PTPN4: variants seen among roughly 807,000 people sequenced by gnomAD.
PTPN4 encodes tyrosine-protein phosphatase non-receptor type 4.
Under a neutral mutation model 135.5 loss-of-function variants are expected in PTPN4, and 49 were observed. The ratio of observed to expected loss-of-function variants is 0.36; its 90% CI spans 0.29 to 0.46. PTPN4 has a LOEUF of 0.46. Among genes scored for constraint, PTPN4 ranks in the 20% least tolerant of loss-of-function variants. PTPN4 has a pLI of 1.00. For synonymous variants in PTPN4, 333 were observed against 369.9 expected (o/e 0.90, Z 1.14); for missense variants, 860 against 1,101.0 (o/e 0.78, Z 3.10).
chr2:119,880,060 G>A (rs1173454654), intron 5 of PTPN4: 2 of 151,588 alleles, frequency 1.3e-5, no homozygotes, highest in African/African-American at 4.9e-5. Flanking sequence ...AGTCAAACAG[G>A]TTCACCAGGT....
chr2:119,915,382 C>G, intron 11 of PTPN4, 140 bp downstream of exon 11: 1 of 559,786 alleles, frequency 1.8e-6, no homozygotes, highest in Admixed American at 4.4e-5. Flanking sequence ...AATGAATTCA[C>G]TTGTTATAAC....
rs772842607 is a variant in PTPN4 at position 119,885,148 on chromosome 2, TC to T, written c.588-641del. On this transcript the variant is annotated intron_variant, in intron 8 of 26. Transcript: ENST00000263708. Reference sequence around the variant, plus strand: ...CCATCTGTGATGAAAGATGATTTCTTCCCCCCAGCTGTCATTATTGTGTTAC... The same window carrying T: ...CCATCTGTGATGAAAGATGATTTCTTCCCCCAGCTGTCATTATTGTGTTAC... Among the ~76,000 whole-genome samples the T allele has an allele frequency of 7.9e-5, 12 of 152,218 alleles. No individual in the cohort carries two copies. The South Asian group carries it at 8.3e-4, about 11-fold the overall frequency.
intron 1 of PTPN4, among the ~76,000 whole-genome samples, chr2:119,768,311 C>G (rs1401449235): frequency 6.6e-6 from 1 of 152,074 alleles, no homozygotes; most frequent in Non-Finnish European, 1.5e-5. Flanking sequence ...CTCTCCTATC[C>G]CAGCTCTGAA....
chr2:119,965,889 C>A (rs904683169), intron 25 of PTPN4, among the ~76,000 whole-genome samples: 1 of 152,158 alleles, frequency 6.6e-6, no homozygotes, highest in Non-Finnish European at 1.5e-5. Context: ...TATTTTAACA[C>A]CTCTGAAATT....
intron 12 of PTPN4, among the ~76,000 whole-genome samples, chr2:119,925,213 C>A (rs1313396882): frequency 6.6e-6 from 1 of 152,128 alleles, no homozygotes; most frequent in Non-Finnish European, 1.5e-5. Flanking sequence ...CCAGCAGCTG[C>A]CAGTTTCCTG....
intron 26 of PTPN4, among the ~76,000 whole-genome samples, chr2:119,970,273 T>A (rs767307494): frequency 9.2e-5 from 14 of 151,768 alleles, no homozygotes; most frequent in Non-Finnish European, 1.9e-4. Context: ...TTGACTAGGC[T>A]GGTCTTGAAC....
intron 1 of PTPN4, among the ~76,000 whole-genome samples, chr2:119,777,814 C>T (rs1361830500): frequency 6.6e-6 from 1 of 151,698 alleles, no homozygotes; most frequent in Non-Finnish European, 1.5e-5. Flanking sequence ...TCCACCATGC[C>T]CAGCTAATTT....
At chr2:119,870,681 C>T (rs973862913) in intron 3 of PTPN4, among the ~76,000 whole-genome samples, 1 of 151,990 alleles carries the variant, frequency 6.6e-6, no homozygotes, top group Admixed American at 6.6e-5. Context: ...CTATATGAAA[C>T]ATAGTTTATT....
chr2:119,938,549 A>G (rs1031172715), intron 15 of PTPN4, among the ~76,000 whole-genome samples: 2 of 152,216 alleles, frequency 1.3e-5, no homozygotes, highest in Non-Finnish European at 2.9e-5. Flanking sequence ...CAATTGAGTT[A>G]GAAATGTTAT....
rs1172338007 is a variant in PTPN4 at position 119,926,684 on chromosome 2, C to G, written c.1070+18C>G. The G allele has an allele frequency of 6.4e-7, 1 of 1,557,754 alleles. No homozygotes were observed. The highest frequency in any genetic ancestry group is 8.7e-7 in the Non-Finnish European group (1 of 1,144,302). ...TTTGCAAGGTAAGCCAAATCTGTTT[C>G]ATTGTTTGAATTTTTTTAAAAAGAT... On this transcript the variant is annotated intron_variant, in intron 13 of 26. Coordinates refer to ENST00000263708, the MANE Select transcript of PTPN4 (RefSeq NM_002830.4).
intron 10 of PTPN4, among the ~76,000 whole-genome samples, chr2:119,907,801 G>A (rs1045318054): frequency 7.9e-5 from 12 of 152,026 alleles, no homozygotes; most frequent in South Asian, 2.1e-4. Context: ...ATAAATCCAC[G>A]TATTTACAGC....
chr2:119,788,132 A>G (rs1264170686), intron 1 of PTPN4, among the ~76,000 whole-genome samples: 4 of 152,198 alleles, frequency 2.6e-5, no homozygotes, highest in African/African-American at 9.6e-5. Context: ...TGTGTTCGTA[A>G]GAAAACTTAG....
intron 15 of PTPN4, among the ~76,000 whole-genome samples, chr2:119,937,323 AT>A (rs200873714): frequency 0.021 from 3,179 of 152,236 alleles, 58 homozygotes; most frequent in Non-Finnish European, 0.033. Context: ...AATGAAATAG[AT>A]TTTTTTTAAG....
At chr2:119,958,068 A>G (rs1433781442) in intron 22 of PTPN4, among the ~76,000 whole-genome samples, 1 of 152,146 alleles carries the variant, frequency 6.6e-6, no homozygotes, top group Non-Finnish European at 1.5e-5. Flanking sequence ...GAATTTTTTA[A>G]ATACTAGAAA....
chr2:119,844,585 C>G (rs1311334087), intron 2 of PTPN4, among the ~76,000 whole-genome samples: 1 of 149,646 alleles, frequency 6.7e-6, no homozygotes, highest in Admixed American at 6.6e-5. Context: ...GGGTCTCGGC[C>G]GGGCAGAGGC....
intron 1 of PTPN4, among the ~76,000 whole-genome samples, chr2:119,809,410 T>C (rs1030236965): frequency 3.9e-5 from 6 of 151,950 alleles, no homozygotes; most frequent in African/African-American, 1.2e-4. Flanking sequence ...CTTAAGTTTT[T>C]TAAAAAAGGG....
intron 2 of PTPN4, among the ~76,000 whole-genome samples, chr2:119,843,396 C>T (rs1677413292): frequency 1.4e-5 from 2 of 142,894 alleles, no homozygotes; most frequent in Non-Finnish European, 3.0e-5. Flanking sequence ...CTTCTTTCTA[C>T]ACAGACACGG....
chr2:119,828,227 C>T (rs1233270170), intron 2 of PTPN4, among the ~76,000 whole-genome samples: 1 of 152,246 alleles, frequency 6.6e-6, no homozygotes, highest in Non-Finnish European at 1.5e-5. Context: ...ATGAGCAAGG[C>T]ATCTTGTACG....
chr2:119,934,989 A>G (rs1678961025), intron 15 of PTPN4, 31 bp downstream of exon 15: 1 of 1,568,044 alleles, frequency 6.4e-7, no homozygotes, highest in Admixed American at 1.9e-5. Flanking sequence ...CTTCCTCTGT[A>G]TTTTCAAATG....
Sources: gnomAD v4.1 joint callset for allele counts (sites outside exome capture counted in the v4.1 genomes callset) on GRCh38, gnomAD v4.1.1 for gene constraint, MANE v1.5 for transcripts, NCBI Gene and HGNC (gene_info 2026-07-23, HGNC 2026-07-21) for gene names.